NSMCE2: variants seen among roughly 807,000 people sequenced by gnomAD.
NSMCE2 encodes E3 SUMO-protein ligase NSE2.
Under a neutral mutation model 23.8 loss-of-function variants are expected in NSMCE2, and 24 were observed. The observed-to-expected ratio is 1.01, with a 90% CI of 0.73 to 1.42. NSMCE2 has a LOEUF of 1.42. Among genes scored for constraint, NSMCE2 ranks in the 40% most tolerant of loss-of-function variants. NSMCE2 has a pLI of 0.00. For missense variants in NSMCE2, 284 were observed against 296.5 expected (o/e 0.96, Z 0.31); for synonymous variants, 92 against 94.1 (o/e 0.98, Z 0.13).
intron 3 of NSMCE2, among the ~76,000 whole-genome samples, chr8:125,113,853 G>T (rs1818876528): frequency 6.6e-6 from 1 of 152,190 alleles, no homozygotes; most frequent in South Asian, 2.1e-4. Context: ...GGGACTGGGA[G>T]CTTTTCAGAA....
chr8:125,188,049 C>A (rs1034497152), intron 5 of NSMCE2, among the ~76,000 whole-genome samples: 3 of 152,036 alleles, frequency 2.0e-5, no homozygotes, highest in Non-Finnish European at 2.9e-5. Context: ...CATATAGAGA[C>A]ATAGGAATTC....
intron 5 of NSMCE2, among the ~76,000 whole-genome samples, chr8:125,309,585 C>T (rs1391924679): frequency 6.6e-5 from 10 of 152,108 alleles, no homozygotes; most frequent in Middle Eastern, 3.4e-3. Flanking sequence ...ATTAGCCAGG[C>T]GTGGTGGCAC....
chr8:125,221,374 G>A (rs1035998578), intron 5 of NSMCE2, among the ~76,000 whole-genome samples: 2 of 152,190 alleles, frequency 1.3e-5, no homozygotes, highest in African/African-American at 4.8e-5. Flanking sequence ...GACCTGAGTA[G>A]CTGGGATTAC....
At chr8:125,142,635 G>A (rs1306499770) in intron 3 of NSMCE2, among the ~76,000 whole-genome samples, 1 of 149,750 alleles carries the variant, frequency 6.7e-6, no homozygotes, top group South Asian at 2.1e-4. Flanking sequence ...ATGGAGTTTT[G>A]CCCTTGTTGC....
In NSMCE2 at chr8:125,102,080, C is replaced by G; in HGVS notation, c.-81C>G. On this transcript the variant is annotated 5_prime_UTR_variant, in exon 2 of 8. In the 5' UTR this introduces an upstream ATG that the reference lacks. Transcript: ENST00000287437. Reference sequence around the variant, plus strand: ...AAGCACTCTTTTGGAAGAGGGTAATCTCTCTCCAAAAACTGAGGACACTTA... The same window carrying G: ...AAGCACTCTTTTGGAAGAGGGTAATGTCTCTCCAAAAACTGAGGACACTTA... 2 of 389,798 alleles carry G rather than the reference C, an allele frequency of 5.1e-6. No homozygotes were observed. Among genetic ancestry groups the G allele is most frequent in the East Asian group, 4.2e-5 (1 of 23,590 alleles). 24.1% of individuals were successfully genotyped at this position (389,798 alleles called of 1,614,324 possible). A position where few individuals can be genotyped will look rare whatever the true frequency, so the allele number is the denominator to read the frequency against.
intron 5 of NSMCE2, among the ~76,000 whole-genome samples, chr8:125,308,272 T>C (rs973238900): frequency 6.6e-6 from 1 of 152,240 alleles, no homozygotes; most frequent in Non-Finnish European, 1.5e-5. Context: ...GCCTTTGCTC[T>C]TTGATTTAAG....
chr8:125,220,225 A>G (rs772280920), intron 5 of NSMCE2, among the ~76,000 whole-genome samples: 2 of 152,286 alleles, frequency 1.3e-5, no homozygotes, highest in African/African-American at 2.4e-5. Flanking sequence ...AAAACTATAT[A>G]TATGAGGATG....
At chr8:125,333,232 C>T (rs952220373) in intron 5 of NSMCE2, among the ~76,000 whole-genome samples, 17 of 151,914 alleles carry the variant, frequency 1.1e-4, no homozygotes, top group African/African-American at 3.6e-4. Context: ...TACAGTGGCA[C>T]GATCACGGCT....
intron 5 of NSMCE2, among the ~76,000 whole-genome samples, chr8:125,277,516 T>C (rs545962282): frequency 5.3e-5 from 8 of 152,146 alleles, no homozygotes; most frequent in Non-Finnish European, 8.8e-5. Context: ...TCTTCTTTTT[T>C]TTTTTTTCGA....
At chr8:125,183,013 G>A (rs1822902249) in intron 5 of NSMCE2, among the ~76,000 whole-genome samples, 1 of 152,032 alleles carries the variant, frequency 6.6e-6, no homozygotes. Flanking sequence ...TAGTCCTGTA[G>A]TCTTTGCTTC....
chr8:125,271,753 C>T (rs1480600440), intron 5 of NSMCE2, among the ~76,000 whole-genome samples: 1 of 152,166 alleles, frequency 6.6e-6, no homozygotes, highest in Non-Finnish European at 1.5e-5. Flanking sequence ...GCTTTTGATA[C>T]TGTTTTTCAC....
chr8:125,137,233 A>T (rs1392845520), intron 3 of NSMCE2, among the ~76,000 whole-genome samples: 1 of 152,154 alleles, frequency 6.6e-6, no homozygotes, highest in Non-Finnish European at 1.5e-5. Context: ...TCTTATTTAG[A>T]TGGACATTTG....
At chr8:125,217,053 C>G (rs1436229630) in intron 5 of NSMCE2, among the ~76,000 whole-genome samples, 12 of 152,302 alleles carry the variant, frequency 7.9e-5, no homozygotes, top group Admixed American at 7.8e-4. Flanking sequence ...AGCACCTATA[C>G]TATATGCCAA....
At chr8:125,366,075 C>G (rs954763849) in intron 7 of NSMCE2, among the ~76,000 whole-genome samples, 1 of 152,086 alleles carries the variant, frequency 6.6e-6, no homozygotes, top group Non-Finnish European at 1.5e-5. Context: ...GGGTCCTGCC[C>G]TAGATAAGAT....
intron 5 of NSMCE2, among the ~76,000 whole-genome samples, chr8:125,329,528 C>T (rs60829601): frequency 2.6e-5 from 4 of 152,194 alleles, no homozygotes; most frequent in Non-Finnish European, 5.9e-5. Context: ...TTGGAATCCA[C>T]GTCTGCCTTT....
At chr8:125,208,126 C>T (rs1443408048) in intron 5 of NSMCE2, among the ~76,000 whole-genome samples, 2 of 152,150 alleles carry the variant, frequency 1.3e-5, no homozygotes, top group Non-Finnish European at 2.9e-5. Flanking sequence ...ACATCATTGA[C>T]TGTATGTGTG....
chr8:125,343,546 G>A (rs1054748990), intron 5 of NSMCE2, among the ~76,000 whole-genome samples: 4 of 152,142 alleles, frequency 2.6e-5, no homozygotes, highest in Non-Finnish European at 5.9e-5. Context: ...AGCTGAGGTA[G>A]GAGGATTGCT....
Position 125,361,288 on chromosome 8 carries a change from G to A in NSMCE2, c.626+3470G>A, listed in dbSNP as rs1001051859. 8.5e-5 allele frequency among the ~76,000 whole-genome samples: 13 copies of A among 152,096 alleles called. No homozygotes were observed. The East Asian group carries it at 2.3e-3, about 27-fold the overall frequency. ...TCACCATGTTGTCCAGGCTGGTCTC[G>A]AACTCCTGGCCTCAAGTGATCTGCC... On this transcript the variant is annotated intron_variant, in intron 7 of 7. Transcript: ENST00000287437.
chr8:125,151,457 T>C (rs1301417419), intron 4 of NSMCE2, 180 bp downstream of exon 4: 2 of 420,706 alleles, frequency 4.8e-6, no homozygotes, highest in Non-Finnish European at 8.5e-6. Context: ...TTTTCCTGGC[T>C]AGGCCACTTA....
Sources: gnomAD v4.1 joint callset for allele counts (sites outside exome capture counted in the v4.1 genomes callset) on GRCh38, gnomAD v4.1.1 for gene constraint, MANE v1.5 for transcripts, NCBI Gene and HGNC (gene_info 2026-07-23, HGNC 2026-07-21) for gene names.